PHRF1: variants seen among roughly 807,000 people sequenced by gnomAD.
PHRF1 encodes PHD and RING finger domain-containing protein 1.
Under a neutral mutation model 128.9 loss-of-function variants are expected in PHRF1, and 53 were observed. That is an observed-to-expected ratio of 0.41 (90% CI 0.33 to 0.52). The LOEUF is 0.52. Ranked by LOEUF, PHRF1 falls within the 20% of genes least tolerant of loss-of-function variation. The probability of loss-of-function intolerance (pLI) is 0.21; values close to 1 mark genes in which losing one functional copy is unlikely to be tolerated. For synonymous variants in PHRF1, 1,178 were observed against 980.6 expected (o/e 1.20, Z -3.76); for missense variants, 2,503 against 2,284.5 (o/e 1.10, Z -1.95).
At position 609,423 on chromosome 11, in the gene PHRF1, G is replaced by A; in HGVS notation, c.3967G>A (p.Val1323Met). The change falls in exon 14 of 18, where the codon GTG becomes ATG. Residue 1323 changes from valine to methionine, a missense_variant. By Grantham distance (21) the Val-to-Met change is conservative (BLOSUM62 1). Transcript: ENST00000264555. ...SLAVAAIQRE[V>M]SLMHDEDPSQ... ...GGCCGTGGCCGCCATCCAGAGGGAGGTGTCATTGATGCACGATGAAGACCC... is the reference window on the plus strand; with the variant it reads ...GGCCGTGGCCGCCATCCAGAGGGAGATGTCATTGATGCACGATGAAGACCC... 6.2e-7 allele frequency: 1 copy of A among 1,609,274 alleles called. No homozygotes were observed. The highest frequency in any genetic ancestry group is 1.7e-5 in the Admixed American group (1 of 60,004).
intron 12 of PHRF1, 130 bp from the exon 13 acceptor site, chr11:606,312 C>T: frequency 8.2e-7 from 1 of 1,216,390 alleles, no homozygotes; most frequent in Admixed American, 3.0e-5. Flanking sequence ...GGAGCCAGGG[C>T]TGTGGGGGAG....
chr11:592,985 G>A (rs1474011051), intron 6 of PHRF1, among the ~76,000 whole-genome samples: 1 of 152,238 alleles, frequency 6.6e-6, no homozygotes, highest in Admixed American at 6.5e-5. Flanking sequence ...CCTGGTCCCG[G>A]CCTTTGTGGG....
At position 607,718 on chromosome 11, in the gene PHRF1, C is replaced by G. The variant is rs1564864762; in HGVS notation, c.2262C>G (p.Ser754Arg). The G allele has an allele frequency of 6.2e-7, 1 of 1,611,738 alleles. No homozygotes were observed. The highest frequency in any genetic ancestry group is 2.2e-5 in the East Asian group (1 of 44,830). Residue 754 changes from serine to arginine, a missense_variant, in exon 14 of 18, where the codon AGC becomes AGG. Transcript: ENST00000264555. ...HTGSSRPPAP[S>R]SHGSLAPLGP... is the part of the protein sequence containing the mutation. The stretch of plus-strand genomic sequence containing the variant: ...GCAGCTCCCGGCCCCCAGCCCCCAG[C>G]TCCCATGGCAGTTTGGCCCCACTGG...
At chr11:592,396 A>C (rs573179958) in intron 5 of PHRF1, among the ~76,000 whole-genome samples, 163 bp from the exon 6 acceptor site, 1 of 152,340 alleles carries the variant, frequency 6.6e-6, no homozygotes, top group Non-Finnish European at 1.5e-5. Flanking sequence ...GGTAGAAAAC[A>C]TAAAAATCCC....
At chr11:601,143 T>C (rs1285844564) in intron 9 of PHRF1, among the ~76,000 whole-genome samples, 2 of 151,150 alleles carry the variant, frequency 1.3e-5, no homozygotes, top group Non-Finnish European at 2.9e-5. Context: ...AGAGCAAGAC[T>C]CCGTCTCAGA....
At chr11:603,776 T>C (rs12420875) in intron 10 of PHRF1, among the ~76,000 whole-genome samples, 34,553 of 136,196 alleles carry the variant, frequency 0.25, 4,784 homozygotes, top group African/African-American at 0.37. Flanking sequence ...CTCTTGTTGC[T>C]GAGGCTGGAG....
intron 10 of PHRF1, among the ~76,000 whole-genome samples, chr11:602,556 C>T (rs891119269): frequency 6.6e-6 from 1 of 151,846 alleles, no homozygotes; most frequent in Non-Finnish European, 1.5e-5. Flanking sequence ...GTGGCAGGCA[C>T]CTGCAGTCCC....
rs140229568 is a variant in PHRF1 at position 596,248 on chromosome 11, G to A, written c.621-675G>A. ...ATCTTTGCATAGACTCCCGAGCCTCGGCTGCTTGGAGGGGCACATATACCT... is the reference window on the plus strand; with the variant it reads ...ATCTTTGCATAGACTCCCGAGCCTCAGCTGCTTGGAGGGGCACATATACCT... On this transcript the variant is annotated intron_variant, in intron 6 of 17. Transcript: ENST00000264555. 5.7e-3 allele frequency among the ~76,000 whole-genome samples: 867 copies of A among 152,208 alleles called. 5 individuals carry two copies. The highest frequency in any genetic ancestry group is 0.02 in the African/African-American group (828 of 41,526).
At position 597,291 on chromosome 11, in the gene PHRF1, A is replaced by G. The variant is rs1855343954; in HGVS notation, c.719-104A>G. The G allele has an allele frequency of 7.1e-7, 1 of 1,415,038 alleles. No individual in the cohort carries two copies. The highest frequency in any genetic ancestry group is 1.4e-5 in the African/African-American group (1 of 70,480). 87.7% of individuals were successfully genotyped at this position (1,415,038 alleles called of 1,614,324 possible). A position where few individuals can be genotyped will look rare whatever the true frequency, so the allele number is the denominator to read the frequency against. On this transcript the variant is annotated intron_variant, in intron 7 of 17. Transcript: ENST00000264555. This position sits in a 1 kb window ranked among gnomAD's most constrained non-coding sequence, Gnocchi z 6.5. Reference sequence around the variant, plus strand: ...CAGCCCTGGGTCCTGTGCACAGGTCAGCCCGAGCCAGGGCTGCTACTTGGC... The same window carrying G: ...CAGCCCTGGGTCCTGTGCACAGGTCGGCCCGAGCCAGGGCTGCTACTTGGC...
Position 609,728 on chromosome 11 carries a change from G to A in PHRF1, c.4264+8G>A, listed in dbSNP as rs374859625. 19 of 1,448,998 alleles carry A rather than the reference G, an allele frequency of 1.3e-5. No homozygotes were observed. The highest frequency in any genetic ancestry group is 5.0e-4 in the Middle Eastern group (2 of 3,994). The allele number at this position is 1,448,998 out of a possible 1,614,324, so 89.8% of individuals were successfully genotyped here. A position where few individuals can be genotyped will look rare whatever the true frequency, so the allele number is the denominator to read the frequency against. ...CCGAGGACAGAGCCCCCCGTGAGTAGTGCCCCGGCCCCCACCGAGGACAGA... is the reference window on the plus strand; with the variant it reads ...CCGAGGACAGAGCCCCCCGTGAGTAATGCCCCGGCCCCCACCGAGGACAGA... On this transcript the variant is annotated splice_region_variant and intron_variant, in intron 14 of 17. Transcript: ENST00000264555.
At chr11:594,796 T>A (rs1855186513) in intron 6 of PHRF1, among the ~76,000 whole-genome samples, 3 of 152,238 alleles carry the variant, frequency 2.0e-5, no homozygotes, top group Admixed American at 1.3e-4. Flanking sequence ...CTCTTGGGAA[T>A]GTTTACAGCT....
chr11:577,639 C>T (rs974143360), intron 1 of PHRF1, among the ~76,000 whole-genome samples: 9 of 152,248 alleles, frequency 5.9e-5, no homozygotes, highest in Non-Finnish European at 1.3e-4. Context: ...TTTTGACTTC[C>T]ATTGCAGTTG....
chr11:598,595 C>T, intron 9 of PHRF1, 93 bp downstream of exon 9: 5 of 1,456,294 alleles, frequency 3.4e-6, no homozygotes, highest in Non-Finnish European at 4.5e-6. Context: ...GTGGGCATTT[C>T]CATTTCTTCT....
At chr11:600,512 A>ATG (rs1855568481) in intron 9 of PHRF1, among the ~76,000 whole-genome samples, 3 of 144,514 alleles carry the variant, frequency 2.1e-5, no homozygotes, top group African/African-American at 7.9e-5. Flanking sequence ...ATATATATAT[A>ATG]TATATATGGT....
chr11:607,659 A>G lies in PHRF1; in HGVS notation c.2203A>G (p.Ser735Gly). The change falls in exon 14 of 18, where the codon AGC (serine) becomes GGC (glycine). Residue 735 changes from serine (S) to glycine (G), a missense_variant. Ser to Gly is a moderately conservative substitution (Grantham distance 56). Coordinates refer to ENST00000264555, the MANE Select transcript of PHRF1 (RefSeq NM_001286581.2). ...RGTRAESEASSRVPREPGVHT... is the reference protein window; with the variant it reads ...RGTRAESEASGRVPREPGVHT... ...CACACGGGCAGAGAGCGAGGCCAGC[A>G]GCAGGGTGCCCCGGGAGCCCGGGGT... 1 of 1,610,764 alleles carries G rather than the reference A, an allele frequency of 6.2e-7. No individual in the cohort carries two copies. The highest frequency in any genetic ancestry group is 8.5e-7 in the Non-Finnish European group (1 of 1,178,706).
intron 6 of PHRF1, among the ~76,000 whole-genome samples, chr11:595,891 C>A (rs1855245950): frequency 6.6e-6 from 1 of 152,206 alleles, no homozygotes; most frequent in Non-Finnish European, 1.5e-5. Flanking sequence ...CCCCCACCCG[C>A]CGCCCCCCTC....
chr11:607,937 C>T lies in PHRF1; in HGVS notation c.2481C>T (p.Ser827=), dbSNP rs759096740. Reference sequence around the variant, plus strand: ...TCAAGAAGACGAAGCAGCTGCGGAGCGAGGTCTACGACCCATCCGACCCCA... The same window carrying T: ...TCAAGAAGACGAAGCAGCTGCGGAGTGAGGTCTACGACCCATCCGACCCCA... ...FSIKKTKQLR[S]EVYDPSDPTG... is the part of the protein sequence containing the mutation. Residue 827 remains serine (S), a synonymous_variant, in exon 14 of 18, where the codon AGC becomes AGT. Coordinates refer to ENST00000264555, the MANE Select transcript of PHRF1 (RefSeq NM_001286581.2). 2.2e-5 allele frequency: 36 copies of T among 1,612,416 alleles called. No homozygotes were observed. Among genetic ancestry groups the T allele is most frequent in the African/African-American group, 4.0e-5 (3 of 75,034 alleles).
At position 607,922 on chromosome 11, in the gene PHRF1, G is replaced by A. The variant is rs773607728; in HGVS notation, c.2466G>A (p.Thr822=). 10 of 1,612,488 alleles carry A rather than the reference G, an allele frequency of 6.2e-6. No homozygotes were observed. The highest frequency in any genetic ancestry group is 4.4e-5 in the South Asian group (4 of 91,086). Residue 822 remains threonine, a synonymous_variant, in exon 14 of 18, where the codon ACG becomes ACA. Coordinates refer to ENST00000264555, the MANE Select transcript of PHRF1 (RefSeq NM_001286581.2). ...NPSPLFSIKK[T]KQLRSEVYDP... Reference sequence around the variant, plus strand: ...CACCCCTCTTCTCCATCAAGAAGACGAAGCAGCTGCGGAGCGAGGTCTACG... The same window carrying A: ...CACCCCTCTTCTCCATCAAGAAGACAAAGCAGCTGCGGAGCGAGGTCTACG...
chr11:591,485 C>T lies in PHRF1; in HGVS notation c.504+18C>T, dbSNP rs368487709. ...TAAGAAAGGTGAGTGTGGACGCTGC[C>T]GTGGAGGCCCCAGCCGTGCTTCTAT... On this transcript the variant is annotated intron_variant, in intron 5 of 17. Transcript: ENST00000264555. 8.2e-6 allele frequency: 13 copies of T among 1,587,484 alleles called. No individual in the cohort carries two copies. The highest frequency in any genetic ancestry group is 2.7e-5 in the African/African-American group (2 of 73,674).
Sources: gnomAD v4.1 joint callset for allele counts (sites outside exome capture counted in the v4.1 genomes callset) on GRCh38, gnomAD v4.1.1 for gene constraint, Gnocchi (gnomAD v3.1) non-coding constraint, MANE v1.5 for transcripts, NCBI Gene and HGNC (gene_info 2026-07-23, HGNC 2026-07-21) for gene names.